PLCB1: variants seen among roughly 807,000 people sequenced by gnomAD.
PLCB1 encodes the protein phospholipase C beta 1.
PLCB1 carries 46 observed loss-of-function variants against 161.8 expected under a neutral mutation model. The ratio of observed to expected loss-of-function variants is 0.28; its 90% CI spans 0.22 to 0.36. The LOEUF (loss-of-function observed/expected upper bound fraction) is 0.36, where lower values mean the gene tolerates loss of function less well. PLCB1 is among the 10% of genes least tolerant of loss of function. The pLI, the probability that PLCB1 is intolerant of heterozygous loss-of-function variation, is 1.00. For synonymous variants in PLCB1, 517 were observed against 503.7 expected (o/e 1.03, Z -0.35); for missense variants, 1,016 against 1,472.5 (o/e 0.69, Z 5.07).
At chr20:8,577,433 GTC>G (rs1191482393) in intron 3 of PLCB1, among the ~76,000 whole-genome samples, 6 of 109,490 alleles carry the variant, frequency 5.5e-5, no homozygotes, top group African/African-American at 2.4e-4. Flanking sequence ...GCGAGACCCT[GTC>G]TCAAAAAAAA....
chr20:8,647,902 A>G lies in PLCB1; in HGVS notation c.467A>G (p.Tyr156Cys), dbSNP rs1208542852. 6.2e-7 allele frequency: 1 copy of G among 1,606,030 alleles called. No homozygotes were observed. Among genetic ancestry groups the G allele is most frequent in the African/African-American group, 1.3e-5 (1 of 74,242 alleles). The change falls in exon 6 of 32, where the codon TAT becomes TGT. Residue 156 changes from tyrosine (Y) to cysteine (C), a missense_variant and splice_region_variant. This residue lies in a region of PLCB1 where 181 missense variants were observed against 236.7 expected (regional missense o/e 0.76). Transcript: ENST00000338037. ...MSRDAFLEKA[Y>C]TKLKLQVTPE... ...TTGTTTTTCTGCTTCTCCAACAGCT[A>G]TACTAAACTTAAGCTGCAAGTCACT...
chr20:8,368,605 G>A (rs1159958458), intron 2 of PLCB1, among the ~76,000 whole-genome samples: 2 of 151,324 alleles, frequency 1.3e-5, no homozygotes, highest in Non-Finnish European at 1.5e-5. Context: ...AATACTGTGT[G>A]TGAGAGATAT....
At chr20:8,404,776 G>A (rs1428797441) in intron 3 of PLCB1, among the ~76,000 whole-genome samples, 2 of 152,098 alleles carry the variant, frequency 1.3e-5, no homozygotes, top group African/African-American at 4.8e-5. Flanking sequence ...GATATAATCA[G>A]TATTGAATCC....
intron 2 of PLCB1, among the ~76,000 whole-genome samples, chr20:8,173,848 A>C (rs763184814): frequency 3.9e-5 from 6 of 152,244 alleles, no homozygotes; most frequent in Non-Finnish European, 7.3e-5. Flanking sequence ...CAATGGCCAA[A>C]ATAAAAGAAC....
At chr20:8,557,894 A>G (rs1986013217) in intron 3 of PLCB1, among the ~76,000 whole-genome samples, 1 of 151,940 alleles carries the variant, frequency 6.6e-6, no homozygotes, top group South Asian at 2.1e-4. Flanking sequence ...AGAAGAAACA[A>G]AAGAGTATCC....
At chr20:8,753,408 T>C (rs1981583968) in intron 23 of PLCB1, among the ~76,000 whole-genome samples, 1 of 152,140 alleles carries the variant, frequency 6.6e-6, no homozygotes, top group African/African-American at 2.4e-5. Context: ...AACTTGTATA[T>C]AACATCTGTC....
intron 3 of PLCB1, among the ~76,000 whole-genome samples, chr20:8,541,513 G>A (rs1467737717): frequency 6.8e-6 from 1 of 146,378 alleles, no homozygotes; most frequent in African/African-American, 2.6e-5. Flanking sequence ...CTGAATGACT[G>A]TGATGATTGA....
rs1982937828 is a variant in PLCB1, at chr20:8,491,368, C to CTCA, written c.246+119919_246+119921dup. ...CTTGATCTATGAGTTTAAATTTATT[C>CTCA]TCACCAAATTTGAACGTTTTTCAGA... is the stretch of plus-strand genomic sequence containing the variant. On this transcript the variant is annotated intron_variant, in intron 3 of 31. Transcript: ENST00000338037. Among the ~76,000 whole-genome samples, 6 of 152,066 alleles carry CTCA rather than the reference C, an allele frequency of 3.9e-5. No homozygotes were observed. In the South Asian group the frequency reaches 1.3e-3, roughly 32 times the overall value.
At chr20:8,704,807 G>A (rs1006917518) in intron 11 of PLCB1, among the ~76,000 whole-genome samples, 3 of 152,094 alleles carry the variant, frequency 2.0e-5, no homozygotes, top group African/African-American at 7.2e-5. Flanking sequence ...AAGATCTGCA[G>A]TTGGCAAGCT....
In PLCB1 at chr20:8,737,083, A is replaced by G; in HGVS notation, c.2099A>G (p.Asp700Gly). 1 of 1,613,638 alleles carries G rather than the reference A, an allele frequency of 6.2e-7. No homozygotes were observed. The highest frequency in any genetic ancestry group is 8.5e-7 in the Non-Finnish European group (1 of 1,179,626). ...DKKVGTYVEV[D>G]MFGLPVDTRR... ...AAAGTTGGGACTTACGTGGAAGTAG[A>G]TATGTTTGGTTTGCCTGTGGATACA... The change falls in exon 20 of 32, where the codon GAT (aspartate) becomes GGT (glycine). Residue 700 changes from aspartate (D) to glycine (G), a missense_variant. Coordinates refer to ENST00000338037, the MANE Select transcript of PLCB1 (RefSeq NM_015192.4).
chr20:8,416,531 T>C (rs1979279569), intron 3 of PLCB1, among the ~76,000 whole-genome samples: 1 of 152,246 alleles, frequency 6.6e-6, no homozygotes, highest in African/African-American at 2.4e-5. Flanking sequence ...TTACTGTCCC[T>C]TTGGAAGGTA....
At chr20:8,195,254 G>C (rs929646408) in intron 2 of PLCB1, among the ~76,000 whole-genome samples, 6 of 151,960 alleles carry the variant, frequency 3.9e-5, no homozygotes, top group Non-Finnish European at 8.8e-5. Flanking sequence ...AGATATAGCA[G>C]TTTGTCTTTA....
intron 3 of PLCB1, among the ~76,000 whole-genome samples, chr20:8,602,536 A>T (rs906616959): frequency 6.6e-6 from 1 of 152,216 alleles, no homozygotes; most frequent in Non-Finnish European, 1.5e-5. Context: ...AAACCCAATC[A>T]AATTCTTCAG....
intron 2 of PLCB1, among the ~76,000 whole-genome samples, chr20:8,214,881 T>A (rs1367964095): frequency 6.6e-6 from 1 of 151,660 alleles, no homozygotes; most frequent in Non-Finnish European, 1.5e-5. Flanking sequence ...TTGCGGGGAC[T>A]GTTTGCACTT....
At chr20:8,362,284 T>TTA (rs1242209648) in intron 2 of PLCB1, among the ~76,000 whole-genome samples, 1 of 152,182 alleles carries the variant, frequency 6.6e-6, no homozygotes, top group African/African-American at 2.4e-5. Context: ...AATGTCAACC[T>TTA]AATAAGTTGA....
intron 2 of PLCB1, among the ~76,000 whole-genome samples, chr20:8,159,843 C>T (rs1000989088): frequency 9.9e-5 from 15 of 151,724 alleles, no homozygotes; most frequent in African/African-American, 2.7e-4. Flanking sequence ...CAAAATTAGC[C>T]AGGCAGGGTG....
chr20:8,738,761 G>A (rs1980713770), intron 20 of PLCB1, among the ~76,000 whole-genome samples: 1 of 152,066 alleles, frequency 6.6e-6, no homozygotes, highest in African/African-American at 2.4e-5. Flanking sequence ...CCTATCTCTG[G>A]CAACCCATGT....
chr20:8,825,143 T>C (rs1985628542), intron 31 of PLCB1, among the ~76,000 whole-genome samples: 1 of 152,210 alleles, frequency 6.6e-6, no homozygotes, highest in Non-Finnish European at 1.5e-5. Context: ...GGAGAAACCA[T>C]ACTTTGTAAA....
At chr20:8,195,400 A>G (rs528787854) in intron 2 of PLCB1, among the ~76,000 whole-genome samples, 2 of 151,954 alleles carry the variant, frequency 1.3e-5, no homozygotes, top group Non-Finnish European at 2.9e-5. Context: ...TGCCCTTGGA[A>G]AATAGGCCCA....
Sources: allele counts gnomAD v4.1 joint callset (sites outside exome capture counted in the v4.1 genomes callset), GRCh38; gene constraint gnomAD v4.1.1; regional missense constraint gnomAD v4.1.1; transcripts MANE v1.5; gene names NCBI Gene and HGNC (gene_info 2026-07-23, HGNC 2026-07-21).